Variants in RADIL observed in about 807,000 individuals in gnomAD.
RADIL encodes the protein Rap associating with DIL domain.
Under a neutral mutation model 97.6 loss-of-function variants are expected in RADIL, and 99 were observed. That is an observed-to-expected ratio of 1.01 (90% CI 0.86 to 1.20). RADIL has a LOEUF of 1.20. Among genes scored for constraint, RADIL ranks in the 50% most tolerant of loss-of-function variants. The probability of loss-of-function intolerance (pLI) is 0.00; values close to 1 mark genes in which losing one functional copy is unlikely to be tolerated. For missense variants in RADIL, 1,765 were observed against 1,498.9 expected (o/e 1.18, Z -2.93); for synonymous variants, 803 against 691.8 (o/e 1.16, Z -2.52).
At position 4,818,229 on chromosome 7, in the gene RADIL, G is replaced by A. The variant is rs1265316705; in HGVS notation, c.1616-878C>T. On this transcript the variant is annotated intron_variant, in intron 6 of 14. Coordinates refer to ENST00000399583, the MANE Select transcript of RADIL (RefSeq NM_018059.5). The surrounding 1 kb of genome is among the most constrained non-coding windows in gnomAD (Gnocchi z 7.1). ...CAGGCCGCCTGCCAGGGCTGCATGG[G>A]CGGCGCCTGGTGAGCCAGGCCAACA... Among the ~76,000 whole-genome samples the A allele has an allele frequency of 6.6e-6, 1 of 151,832 alleles. No homozygotes were observed. Among genetic ancestry groups the A allele is most frequent in the African/African-American group, 2.4e-5 (1 of 41,108 alleles).
At chr7:4,839,128 C>T (rs1313921554) in intron 2 of RADIL, among the ~76,000 whole-genome samples, 3 of 152,188 alleles carry the variant, frequency 2.0e-5, no homozygotes, top group Non-Finnish European at 4.4e-5. Context: ...TAACACGTGA[C>T]GTGATGTAAC....
At position 4,867,720 on chromosome 7, in the gene RADIL, A is replaced by T. The variant is rs568589041; in HGVS notation, c.535+9885T>A. ...TCAATCCCACTTAGGTAAATTAAAC[A>T]TATACAAAATATTATTTATGTATTA... On this transcript the variant is annotated intron_variant, in intron 2 of 14. Coordinates refer to ENST00000399583, the MANE Select transcript of RADIL (RefSeq NM_018059.5). The surrounding 1 kb of genome is among the most constrained non-coding windows in gnomAD (Gnocchi z 4.1). Among the ~76,000 whole-genome samples the T allele has an allele frequency of 3.5e-4, 54 of 152,392 alleles. No homozygotes were observed. In the South Asian group the frequency reaches 0.01, roughly 29 times the overall value.
intron 9 of RADIL, chr7:4,806,057 C>A (rs926183470): frequency 1.5e-4 from 148 of 985,228 alleles, no homozygotes; most frequent in Non-Finnish European, 1.7e-4. Flanking sequence ...CTGCCTCCAA[C>A]GGTGTGAAAG....
chr7:4,876,903 G>C (rs1312407962), intron 2 of RADIL, among the ~76,000 whole-genome samples: 1 of 152,244 alleles, frequency 6.6e-6, no homozygotes, highest in Non-Finnish European at 1.5e-5. Flanking sequence ...GCCTGGGACA[G>C]ATTCCTTGAT....
intron 1 of RADIL, among the ~76,000 whole-genome samples, chr7:4,881,635 G>A (rs929930063): frequency 6.6e-6 from 1 of 150,704 alleles, no homozygotes; most frequent in African/African-American, 2.4e-5. Flanking sequence ...GCTGAGGCAG[G>A]AGAATCGCTT....
intron 2 of RADIL, among the ~76,000 whole-genome samples, chr7:4,856,049 T>C (rs1282080360): frequency 1.3e-5 from 2 of 151,814 alleles, no homozygotes; most frequent in African/African-American, 2.4e-5. Flanking sequence ...CCTCAAGTGA[T>C]CCGCTCGCCT....
chr7:4,861,618 C>G (rs768082712), intron 2 of RADIL: 6 of 1,612,006 alleles, frequency 3.7e-6, no homozygotes, highest in Non-Finnish European at 5.1e-6. Context: ...TTTTCCAAAA[C>G]TAAAATCCTG....
At position 4,835,329 on chromosome 7, in the gene RADIL, G is replaced by A; in HGVS notation, c.784-90C>T. The A allele has an allele frequency of 2.0e-6, 3 of 1,505,124 alleles. No homozygotes were observed. The highest frequency in any genetic ancestry group is 2.4e-5 in the East Asian group (1 of 40,932). 93.2% of individuals were successfully genotyped at this position (1,505,124 alleles called of 1,614,324 possible). On this transcript the variant is annotated intron_variant, in intron 3 of 14. Transcript: ENST00000399583. This position sits in a 1 kb window ranked among gnomAD's most constrained non-coding sequence, Gnocchi z 5.8. ...TCTAGTCACTGGTTGCTGAAGCAGC[G>A]TGGCTGGGATGCTGTCGCCACGGGC...
chr7:4,815,289 G>T lies in RADIL; in HGVS notation c.2128C>A (p.Gln710Lys). The change falls in exon 9 of 15, where the codon CAG becomes AAG. Residue 710 changes from glutamine to lysine, a missense_variant. Coordinates refer to ENST00000399583, the MANE Select transcript of RADIL (RefSeq NM_018059.5). This position sits in a 1 kb window ranked among gnomAD's most constrained non-coding sequence, Gnocchi z 8.0. Reference protein sequence around the residue: ...TLNLLATPRAQLIQMSWTALR... With the variant: ...TLNLLATPRAKLIQMSWTALR... ...ATGCGCACCCCTACCTGGATGAGCT[G>T]GGCCCTGGGTGTGGCCAGCAGGTTG... is the stretch of plus-strand genomic sequence containing the variant. 1 of 1,559,878 alleles carries T rather than the reference G, an allele frequency of 6.4e-7. No individual in the cohort carries two copies. Among genetic ancestry groups the T allele is most frequent in the Admixed American group, 1.9e-5 (1 of 53,068 alleles).
At chr7:4,810,334 T>A (rs1457661337) in intron 9 of RADIL, among the ~76,000 whole-genome samples, 1 of 151,794 alleles carries the variant, frequency 6.6e-6, no homozygotes, top group East Asian at 1.9e-4. Context: ...AAAAAAAAAT[T>A]TATGTTTGGA....
chr7:4,876,653 A>G (rs1784384043), intron 2 of RADIL, among the ~76,000 whole-genome samples: 1 of 152,160 alleles, frequency 6.6e-6, no homozygotes, highest in Non-Finnish European at 1.5e-5. Context: ...TCTTTCCACC[A>G]ATTGAATAAA....
chr7:4,875,069 G>A (rs1482595790), intron 2 of RADIL, among the ~76,000 whole-genome samples: 1 of 137,704 alleles, frequency 7.3e-6, no homozygotes, highest in Non-Finnish European at 1.5e-5. Context: ...GCGGGCGCCT[G>A]TAGTCCCAGC....
chr7:4,875,823 G>A (rs767354735), intron 2 of RADIL, among the ~76,000 whole-genome samples: 10 of 152,074 alleles, frequency 6.6e-5, no homozygotes, highest in African/African-American at 7.2e-5. Flanking sequence ...CTCTGCCACC[G>A]GATCACCGGT....
At chr7:4,877,355 C>T (rs943167324) in intron 2 of RADIL, among the ~76,000 whole-genome samples, 1 of 152,186 alleles carries the variant, frequency 6.6e-6, no homozygotes, top group African/African-American at 2.4e-5. Flanking sequence ...GTGGGAGGAT[C>T]GCTTGAGCCC....
chr7:4,870,535 A>G (rs566553483), intron 2 of RADIL, among the ~76,000 whole-genome samples: 2 of 152,110 alleles, frequency 1.3e-5, no homozygotes, highest in Non-Finnish European at 2.9e-5. Context: ...TCCACCTCCC[A>G]GGTTCAAGCA....
intron 2 of RADIL, among the ~76,000 whole-genome samples, chr7:4,848,102 C>A (rs1159286515): frequency 8.6e-5 from 13 of 151,588 alleles, no homozygotes; most frequent in Non-Finnish European, 1.6e-4. Flanking sequence ...GAGGCTGAAT[C>A]GGGAGGACTG....
intron 9 of RADIL, chr7:4,806,143 A>C: frequency 1.2e-6 from 1 of 829,774 alleles, no homozygotes; most frequent in Non-Finnish European, 1.5e-6. Flanking sequence ...GGCAGGGAAA[A>C]CATTTGTTTG....
intron 10 of RADIL, among the ~76,000 whole-genome samples, chr7:4,804,442 T>A (rs1782225487): frequency 6.6e-6 from 1 of 152,224 alleles, no homozygotes; most frequent in African/African-American, 2.4e-5. Flanking sequence ...TTTGTTGAGG[T>A]GTTAACACAT....
intron 2 of RADIL, among the ~76,000 whole-genome samples, chr7:4,869,232 A>G (rs1462105712): frequency 6.6e-6 from 1 of 152,186 alleles, no homozygotes; most frequent in African/African-American, 2.4e-5. Context: ...TTCTGGGCTC[A>G]AGTGATCCTC....
Sources: allele counts gnomAD v4.1 joint callset (sites outside exome capture counted in the v4.1 genomes callset), GRCh38; gene constraint gnomAD v4.1.1; non-coding constraint Gnocchi (gnomAD v3.1); transcripts MANE v1.5; gene names NCBI Gene and HGNC (gene_info 2026-07-23, HGNC 2026-07-21).